PTPRD: variants seen among roughly 807,000 people sequenced by gnomAD.
PTPRD encodes the protein receptor-type tyrosine-protein phosphatase delta.
PTPRD carries 34 observed loss-of-function variants against 214.5 expected under a neutral mutation model. The observed-to-expected ratio is 0.16, with a 90% CI of 0.12 to 0.21. The LOEUF (loss-of-function observed/expected upper bound fraction) is 0.21. PTPRD is among the 10% of genes least tolerant of loss of function. The pLI is 1.00. For missense variants in PTPRD, 2,545 were observed against 2,398.7 expected (o/e 1.06, Z -1.27); for synonymous variants, 1,128 against 845.7 (o/e 1.33, Z -5.79).
intron 10 of PTPRD, among the ~76,000 whole-genome samples, chr9:9,088,305 G>T (rs1420604721): frequency 6.6e-6 from 1 of 151,536 alleles, no homozygotes; most frequent in African/African-American, 2.4e-5. Flanking sequence ...AATGAAATCT[G>T]GGCCGGGTGC....
intron 7 of PTPRD, among the ~76,000 whole-genome samples, chr9:9,593,530 T>TA (rs1411353651): frequency 6.6e-6 from 1 of 151,902 alleles, no homozygotes; most frequent in Non-Finnish European, 1.5e-5. Flanking sequence ...AAACTCCTGA[T>TA]AAAAAATGTT....
chr9:8,846,644 T>C (rs1419689780), intron 11 of PTPRD, among the ~76,000 whole-genome samples: 4 of 152,002 alleles, frequency 2.6e-5, no homozygotes, highest in East Asian at 1.9e-4. Context: ...AGAGAGAGCA[T>C]GCTCAAAATT....
At chr9:8,626,770 G>C (rs1299975297) in intron 14 of PTPRD, among the ~76,000 whole-genome samples, 1 of 151,536 alleles carries the variant, frequency 6.6e-6, no homozygotes, top group Non-Finnish European at 1.5e-5. Flanking sequence ...CTCTTCCTAG[G>C]TCTTCAGCTT....
At chr9:10,440,904 C>A (rs1252421016) in intron 2 of PTPRD, among the ~76,000 whole-genome samples, 1 of 151,644 alleles carries the variant, frequency 6.6e-6, no homozygotes, top group East Asian at 1.9e-4. Context: ...AATATAGACT[C>A]CTGGAGATGA....
rs183798346 is a variant in PTPRD, at chr9:9,245,719, T to C, written c.-202-62356A>G. Among the ~76,000 whole-genome samples, 17 of 152,218 alleles carry C rather than the reference T, an allele frequency of 1.1e-4. 1 individual carries two copies. The East Asian group carries it at 2.3e-3, about 21-fold the overall frequency. On this transcript the variant is annotated intron_variant, in intron 9 of 45. Coordinates refer to ENST00000381196, the MANE Select transcript of PTPRD (RefSeq NM_002839.4). ...CACCAACATGGCACATGTATACATA[T>C]GTAACAAACCTGCACGTTGTGCACA...
At chr9:8,517,794 C>T (rs1482800220) in intron 21 of PTPRD, 54 bp downstream of exon 21, 1 of 1,471,484 alleles carries the variant, frequency 6.8e-7, no homozygotes, top group East Asian at 2.3e-5. Context: ...TCCTTCTCAC[C>T]TCTTTGCACC....
At chr9:8,665,529 A>T (rs184531600) in intron 12 of PTPRD, among the ~76,000 whole-genome samples, 1 of 152,228 alleles carries the variant, frequency 6.6e-6, no homozygotes, top group Admixed American at 6.5e-5. Context: ...TCAACTGTTA[A>T]GTCACTTACC....
At position 9,589,292 on chromosome 9, in the gene PTPRD, T is replaced by C. The variant is rs535938595; in HGVS notation, c.-286-14511A>G. On this transcript the variant is annotated intron_variant, in intron 7 of 45. Coordinates refer to ENST00000381196, the MANE Select transcript of PTPRD (RefSeq NM_002839.4). ...TTAAGGATTTTATACATTTCCTACA[T>C]AGAAAATTTAGATGTTCTTGGTTGC... Among the ~76,000 whole-genome samples, 65 of 152,050 alleles carry C rather than the reference T, an allele frequency of 4.3e-4. 1 individual carries two copies. The South Asian group carries it at 0.013, about 30-fold the overall frequency.
intron 8 of PTPRD, among the ~76,000 whole-genome samples, chr9:9,439,150 G>C (rs2086506013): frequency 6.6e-6 from 1 of 151,848 alleles, no homozygotes; most frequent in African/African-American, 2.4e-5. Flanking sequence ...TGACTCCAGA[G>C]CAGAAAACAG....
chr9:8,585,561 C>T (rs2093581434), intron 14 of PTPRD, among the ~76,000 whole-genome samples: 1 of 152,170 alleles, frequency 6.6e-6, no homozygotes, highest in Non-Finnish European at 1.5e-5. Flanking sequence ...TGGCCATGAA[C>T]ATGACAACTC....
At chr9:9,863,277 A>C (rs2063192617) in intron 5 of PTPRD, among the ~76,000 whole-genome samples, 3 of 152,206 alleles carry the variant, frequency 2.0e-5, no homozygotes, top group Admixed American at 1.3e-4. Context: ...GAGTTGGATT[A>C]ATAACTATTT....
intron 3 of PTPRD, among the ~76,000 whole-genome samples, chr9:10,132,350 T>TA (rs778706406): frequency 6.6e-5 from 10 of 150,790 alleles, no homozygotes; most frequent in African/African-American, 1.2e-4. Context: ...AGAATGTAAT[T>TA]TAAAAAAAAC....
intron 2 of PTPRD, among the ~76,000 whole-genome samples, chr9:10,388,630 C>T (rs561853291): frequency 2.0e-5 from 3 of 151,674 alleles, no homozygotes; most frequent in Non-Finnish European, 2.9e-5. Flanking sequence ...ACTATAATGA[C>T]AAAAGGAAGG....
At chr9:9,017,621 G>A (rs574148528) in intron 11 of PTPRD, among the ~76,000 whole-genome samples, 1 of 152,146 alleles carries the variant, frequency 6.6e-6, no homozygotes, top group South Asian at 2.1e-4. Context: ...CACTAGTAAG[G>A]AAACTTGAAA....
chr9:8,765,164 A>G, intron 11 of PTPRD, among the ~76,000 whole-genome samples: 1 of 152,222 alleles, frequency 6.6e-6, no homozygotes, highest in East Asian at 1.9e-4. Context: ...ACATATGTGT[A>G]GTAGTTTAAA....
Position 9,161,877 on chromosome 9 carries a change from G to T in PTPRD, c.-143+21427C>A, listed in dbSNP as rs192081355. On this transcript the variant is annotated intron_variant, in intron 10 of 45. Coordinates refer to ENST00000381196, the MANE Select transcript of PTPRD (RefSeq NM_002839.4). Reference sequence around the variant, plus strand: ...ACACATATATATATATATTTAAATTGACTAAATGTTTAAATTTTCCTGTAC... The same window carrying T: ...ACACATATATATATATATTTAAATTTACTAAATGTTTAAATTTTCCTGTAC... Among the ~76,000 whole-genome samples the T allele has an allele frequency of 2.8e-3, 427 of 151,778 alleles. 1 individual carries two copies. The highest frequency in any genetic ancestry group is 9.8e-3 in the African/African-American group (405 of 41,424).
intron 9 of PTPRD, among the ~76,000 whole-genome samples, chr9:9,240,347 G>T (rs941969757): frequency 6.6e-6 from 1 of 152,074 alleles, no homozygotes; most frequent in Admixed American, 6.6e-5. Context: ...TATACAGAAG[G>T]TAAATATATT....
intron 30 of PTPRD, among the ~76,000 whole-genome samples, chr9:8,480,712 C>A (rs35679431): frequency 4.6e-5 from 7 of 152,190 alleles, no homozygotes; most frequent in Middle Eastern, 6.8e-3. Context: ...TCATAAATAT[C>A]CTTTATCTGT....
At chr9:8,890,452 C>T (rs2098529244) in intron 11 of PTPRD, among the ~76,000 whole-genome samples, 1 of 152,214 alleles carries the variant, frequency 6.6e-6, no homozygotes, top group South Asian at 2.1e-4. Context: ...TTCCCCTTGT[C>T]TCCGCCTGAA....
Sources: allele counts gnomAD v4.1 joint callset (sites outside exome capture counted in the v4.1 genomes callset), GRCh38; gene constraint gnomAD v4.1.1; transcripts MANE v1.5; gene names NCBI Gene and HGNC (gene_info 2026-07-23, HGNC 2026-07-21).